The following DSCAM variants were observed in gnomAD, a reference collection of about 807,000 sequenced individuals.
DSCAM encodes the protein DS cell adhesion molecule.
A neutral mutation model predicts 217.7 loss-of-function variants in DSCAM; 47 were observed. The ratio of observed to expected loss-of-function variants is 0.22; its 90% CI spans 0.17 to 0.28. DSCAM has a LOEUF of 0.28. DSCAM is among the 10% of genes least tolerant of loss of function. DSCAM has a pLI of 1.00. For missense variants in DSCAM, 2,080 were observed against 2,618.3 expected, an observed-to-expected ratio of 0.79 and a Z score of 4.49; for synonymous variants, 1,056 against 1,015.3, an observed-to-expected ratio of 1.04 and a Z score of -0.76.
intron 3 of DSCAM, among the ~76,000 whole-genome samples, chr21:40,612,554 C>G (rs1332655788): frequency 6.6e-6 from 1 of 152,172 alleles, no homozygotes; most frequent in East Asian, 1.9e-4. Context: ...GGTGTCTACC[C>G]AGCAGAGGTC....
intron 10 of DSCAM, among the ~76,000 whole-genome samples, chr21:40,278,444 A>T (rs1279999457): frequency 1.3e-5 from 2 of 152,088 alleles, no homozygotes; most frequent in Admixed American, 6.5e-5. Context: ...TTTCATAACA[A>T]CTTATTGGCA....
Position 40,205,602 on chromosome 21 carries a change from C to CAA in DSCAM, c.2357-16366_2357-16365dup, listed in dbSNP as rs35725347. 1.0e-3 allele frequency among the ~76,000 whole-genome samples: 87 copies of CAA among 83,380 alleles called. 1 individual carries two copies. Among genetic ancestry groups the CAA allele is most frequent in the African/African-American group, 2.5e-3 (67 of 26,588 alleles). The allele number at this position is 83,380 out of a possible 152,430, so 54.7% of individuals were successfully genotyped here. A position where few individuals can be genotyped will look rare whatever the true frequency, so the allele number is the denominator to read the frequency against. On this transcript the variant is annotated intron_variant, in intron 11 of 32. Transcript: ENST00000400454. The stretch of plus-strand genomic sequence containing the variant: ...TGGGTGACAGAGCAAGACTCTATCT[C>CAA]AAAAAAAAAAAAAAAAAAAAGTGTT...
At chr21:40,523,857 G>A (rs1014713744) in intron 3 of DSCAM, among the ~76,000 whole-genome samples, 2 of 151,960 alleles carry the variant, frequency 1.3e-5, no homozygotes, top group Non-Finnish European at 2.9e-5. Flanking sequence ...ACCTCTAGAC[G>A]CTGCCATGGG....
At chr21:40,496,829 A>G (rs1392801541) in intron 3 of DSCAM, among the ~76,000 whole-genome samples, 3 of 152,222 alleles carry the variant, frequency 2.0e-5, no homozygotes, top group Admixed American at 2.0e-4. Flanking sequence ...AAATGGCCAA[A>G]GAACCTGAAT....
intron 3 of DSCAM, among the ~76,000 whole-genome samples, chr21:40,580,481 C>A: frequency 6.6e-6 from 1 of 151,442 alleles, no homozygotes. Flanking sequence ...TGCAGTGTGC[C>A]AAGATGGTGC....
intron 1 of DSCAM, among the ~76,000 whole-genome samples, chr21:40,846,115 C>G (rs1459891568): frequency 6.6e-6 from 1 of 151,896 alleles, no homozygotes; most frequent in Non-Finnish European, 1.5e-5. Flanking sequence ...AAGGACAGAA[C>G]ATTCTTAAAG....
intron 3 of DSCAM, among the ~76,000 whole-genome samples, chr21:40,517,751 T>G (rs548114086): frequency 1.3e-5 from 2 of 152,142 alleles, no homozygotes; most frequent in South Asian, 4.2e-4. Flanking sequence ...AGTTCTGGGG[T>G]GCTGCTGTGG....
intron 11 of DSCAM, among the ~76,000 whole-genome samples, chr21:40,207,619 A>G (rs554555521): frequency 1.3e-5 from 2 of 152,350 alleles, no homozygotes; most frequent in East Asian, 3.9e-4. Flanking sequence ...GTAATTACAC[A>G]TCTATAAGTG....
chr21:40,093,466 G>A (rs564204406), intron 21 of DSCAM, among the ~76,000 whole-genome samples: 13 of 152,126 alleles, frequency 8.5e-5, no homozygotes, highest in Non-Finnish European at 1.8e-4. Context: ...ATGAATGAGG[G>A]CTCCTTTCCT....
intron 3 of DSCAM, among the ~76,000 whole-genome samples, chr21:40,450,347 A>G (rs531925425): frequency 9.7e-4 from 148 of 152,350 alleles, no homozygotes; most frequent in African/African-American, 2.9e-3. Flanking sequence ...ACACTTGAAA[A>G]TAGATCCCAC....
In DSCAM at chr21:40,828,579, T is replaced by G. The variant is rs144259146; in HGVS notation, c.43+18040A>C. ...CCTGCTTACCCATGAGTAGTGGGCT[T>G]CGGTCTCCCGTCAGCCTGTGGAATC... is the stretch of plus-strand genomic sequence containing the variant. On this transcript the variant is annotated intron_variant, in intron 1 of 32. Coordinates refer to ENST00000400454, the MANE Select transcript of DSCAM (RefSeq NM_001389.5). 7.5e-3 allele frequency among the ~76,000 whole-genome samples: 1,144 copies of G among 152,050 alleles called. 22 individuals carry two copies. The highest frequency in any genetic ancestry group is 0.026 in the African/African-American group (1,065 of 41,458).
chr21:40,050,347 T>A (rs1394864754), intron 30 of DSCAM, among the ~76,000 whole-genome samples: 1 of 152,206 alleles, frequency 6.6e-6, no homozygotes, highest in Non-Finnish European at 1.5e-5. Context: ...ATCCTTTCAA[T>A]ATCTGTAACT....
At chr21:40,283,989 C>T (rs2123407954) in intron 10 of DSCAM, among the ~76,000 whole-genome samples, 1 of 150,088 alleles carries the variant, frequency 6.7e-6, no homozygotes, top group African/African-American at 2.5e-5. Flanking sequence ...GAATCAAACA[C>T]AATCCCTTTC....
intron 3 of DSCAM, among the ~76,000 whole-genome samples, chr21:40,442,774 T>C (rs1222156598): frequency 6.6e-6 from 1 of 152,118 alleles, no homozygotes; most frequent in African/African-American, 2.4e-5. Flanking sequence ...CCTCCCAAAG[T>C]GCTGGGATTA....
chr21:40,276,036 G>A, intron 11 of DSCAM, 61 bp downstream of exon 11: 3 of 1,447,804 alleles, frequency 2.1e-6, no homozygotes, highest in South Asian at 1.6e-5. Flanking sequence ...AATTGAAAAA[G>A]GAAGCCCCCA....
intron 3 of DSCAM, among the ~76,000 whole-genome samples, chr21:40,540,069 A>G (rs1398761906): frequency 6.6e-6 from 1 of 152,076 alleles, no homozygotes; most frequent in African/African-American, 2.4e-5. Flanking sequence ...TTCACGTATG[A>G]TCCATCTCCA....
chr21:40,556,058 A>G (rs1458153946), intron 3 of DSCAM, among the ~76,000 whole-genome samples: 1 of 152,132 alleles, frequency 6.6e-6, no homozygotes, highest in East Asian at 1.9e-4. Flanking sequence ...ATAGAAGAAA[A>G]AGTGATGTTT....
chr21:40,235,191 T>C (rs761099148), intron 11 of DSCAM, among the ~76,000 whole-genome samples: 6 of 152,276 alleles, frequency 3.9e-5, no homozygotes, highest in South Asian at 2.1e-4. Context: ...TACTGAGGCA[T>C]TGGGATATGG....
chr21:40,677,839 C>T (rs2090358138), intron 3 of DSCAM, among the ~76,000 whole-genome samples: 1 of 152,080 alleles, frequency 6.6e-6, no homozygotes, highest in African/African-American at 2.4e-5. Flanking sequence ...AGAACCCTCA[C>T]CAGACACCAA....
Sources: gnomAD v4.1 joint callset for allele counts (sites outside exome capture counted in the v4.1 genomes callset) on GRCh38, gnomAD v4.1.1 for gene constraint, MANE v1.5 for transcripts, NCBI Gene and HGNC (gene_info 2026-07-23, HGNC 2026-07-21) for gene names.